Variants in CT45A1 observed in about 807,000 individuals in gnomAD.
CT45A1 encodes the protein cancer/testis antigen 45-1.
At chrX:135,714,532 A>G (rs2087963157) in intron 1 of CT45A1, among the ~76,000 whole-genome samples, 1 of 109,472 alleles carries the variant, frequency 9.1e-6, no homozygotes, top group Non-Finnish European at 1.9e-5. Flanking sequence ...CCGGGACTCT[A>G]TCTGACCTTT....
upstream of CT45A1, among the ~76,000 whole-genome samples, chrX:135,712,702 T>C (rs1476204504): frequency 1.8e-5 from 2 of 108,774 alleles, no homozygotes; most frequent in Admixed American, 2.0e-4. Flanking sequence ...GTTAATTTTC[T>C]GTATTTTTAG....
upstream of CT45A1, chrX:135,713,620 GT>G (rs1220731205): frequency 1.4e-6 from 1 of 737,796 alleles, no homozygotes; most frequent in Non-Finnish European, 1.6e-6. Context: ...TTTCTAGAAA[GT>G]GCCACCAGTG....
At chrX:135,712,363 A>C (rs1224968350), upstream of CT45A1, among the ~76,000 whole-genome samples, 3 of 106,760 alleles carry the variant, frequency 2.8e-5, no homozygotes, top group African/African-American at 3.4e-5. Context: ...GGGTTTCACC[A>C]TGCTGCCCAG....
upstream of CT45A1, among the ~76,000 whole-genome samples, chrX:135,712,997 C>CT (rs782169538): frequency 4.8e-4 from 1 of 2,071 alleles, no homozygotes; most frequent in Non-Finnish European, 7.7e-4. Context: ...TCCTTCCTTC[C>CT]TCTCTCTCTC....
intron 1 of CT45A1, among the ~76,000 whole-genome samples, chrX:135,715,213 ATACT>A (rs1445092638): frequency 1.2e-5 from 1 of 86,074 alleles, no homozygotes; most frequent in Non-Finnish European, 2.3e-5. Flanking sequence ...TATATATATA[ATACT>A]TATATATATA....
intron 1 of CT45A1, among the ~76,000 whole-genome samples, chrX:135,714,172 G>C (rs1169766897): frequency 1.8e-5 from 2 of 109,694 alleles, no homozygotes; most frequent in African/African-American, 6.7e-5. Context: ...TCGCTGACGG[G>C]GGCTTTATCT....
chrX:135,712,928 C>CTTTTT (rs59244906), upstream of CT45A1, among the ~76,000 whole-genome samples: 2 of 67,001 alleles, frequency 3.0e-5, no homozygotes, highest in Non-Finnish European at 5.2e-5. Flanking sequence ...CTTTTCTTTT[C>CTTTTT]TTTTCTTTTT....
At chrX:135,709,238 G>T (rs1304254299), upstream of CT45A1, among the ~76,000 whole-genome samples, 3 of 111,895 alleles carry the variant, frequency 2.7e-5, no homozygotes, top group Non-Finnish European at 5.6e-5. Flanking sequence ...CAGTTCTCTT[G>T]CCTCAGCCTC....
At chrX:135,712,958 TTTC>T (rs1569518631), upstream of CT45A1, among the ~76,000 whole-genome samples, 3 of 84,880 alleles carry the variant, frequency 3.5e-5, no homozygotes, top group South Asian at 5.7e-4. Context: ...TCTTTCTTTC[TTTC>T]TTTCTTTCTT....
intron 1 of CT45A1, among the ~76,000 whole-genome samples, chrX:135,718,206 T>C (rs1556572360): frequency 1.8e-5 from 2 of 111,905 alleles, no homozygotes; most frequent in Non-Finnish European, 3.8e-5. Context: ...GCATTACATT[T>C]ATCGATTATC....
chrX:135,717,604 G>A (rs782457992), intron 1 of CT45A1, among the ~76,000 whole-genome samples: 2 of 111,547 alleles, frequency 1.8e-5, no homozygotes, highest in Middle Eastern at 4.6e-3. Flanking sequence ...TCCATTTACT[G>A]CAGTCTTGAA....
chrX:135,716,143 G>C (rs781978553), intron 1 of CT45A1, among the ~76,000 whole-genome samples: 1 of 111,228 alleles, frequency 9.0e-6, no homozygotes, highest in Non-Finnish European at 1.9e-5. Context: ...ATAAACATAC[G>C]TGTGCATGTG....
At chrX:135,712,820 G>A (rs1262214921), upstream of CT45A1, among the ~76,000 whole-genome samples, 1 of 111,411 alleles carries the variant, frequency 9.0e-6, no homozygotes, top group Non-Finnish European at 1.9e-5. Context: ...GCGAGCCACA[G>A]CGCCCGTTGG....
At chrX:135,713,951 G>A (rs2087956149) in intron 1 of CT45A1, among the ~76,000 whole-genome samples, 2 of 105,927 alleles carry the variant, frequency 1.9e-5, no homozygotes, top group South Asian at 9.6e-4. Context: ...GCTCTGTCTC[G>A]GTGATGCTAG....
At chrX:135,713,454 G>A (rs2087952194), upstream of CT45A1, 1 of 130,214 alleles carries the variant, frequency 7.7e-6, no homozygotes, top group Admixed American at 3.0e-4. Context: ...CAGGTTCCCA[G>A]TGTTCGGCTG....
chrX:135,718,156 T>A (rs186157422), intron 1 of CT45A1, among the ~76,000 whole-genome samples: 2 of 112,007 alleles, frequency 1.8e-5, no homozygotes, highest in African/African-American at 6.5e-5. Context: ...TCATGTGGTG[T>A]TTCCCTGTTT....
intron 1 of CT45A1, among the ~76,000 whole-genome samples, chrX:135,715,276 A>G (rs1272941462): frequency 1.2e-5 from 1 of 85,728 alleles, no homozygotes. Context: ...TTATATATAT[A>G]TAATACTTAT....
intron 1 of CT45A1, among the ~76,000 whole-genome samples, chrX:135,717,075 T>C (rs1217914183): frequency 8.9e-6 from 1 of 111,761 alleles, no homozygotes; most frequent in East Asian, 2.8e-4. Flanking sequence ...AAAAAAACTT[T>C]GTATTTTCCT....
intron 1 of CT45A1, among the ~76,000 whole-genome samples, chrX:135,715,234 T>TTA (rs1190023304): frequency 4.8e-4 from 34 of 70,274 alleles, no homozygotes; most frequent in Admixed American, 2.0e-3. Context: ...TATATAATAC[T>TTA]TATATATATA....
Sources: allele counts gnomAD v4.1 joint callset (sites outside exome capture counted in the v4.1 genomes callset), GRCh38; gene constraint gnomAD v4.1.1; transcripts MANE v1.5; gene names NCBI Gene and HGNC (gene_info 2026-07-23, HGNC 2026-07-21).